PITPNA: variants seen among roughly 807,000 people sequenced by gnomAD.
PITPNA encodes phosphatidylinositol transfer protein alpha, also known as phosphatidylinositol transfer protein alpha isoform.
In PITPNA, 13 loss-of-function variants were observed where a neutral mutation model predicts 50.3. The ratio of observed to expected loss-of-function variants is 0.26; its 90% confidence interval spans 0.17 to 0.41. The LOEUF (loss-of-function observed/expected upper bound fraction) is 0.41. Among genes scored for constraint, PITPNA ranks in the 10% least tolerant of loss-of-function variants. The probability of loss-of-function intolerance (pLI) is 1.00; values close to 1 mark genes in which losing one functional copy is unlikely to be tolerated. For synonymous variants in PITPNA, 120 were observed against 119.6 expected (o/e 1.00, Z -0.02); for missense variants, 207 against 333.4 (o/e 0.62, Z 2.95).
intron 4 of PITPNA, 104 bp downstream of exon 4, chr17:1,548,192 G>T: frequency 1.4e-6 from 1 of 698,168 alleles, no homozygotes; most frequent in Non-Finnish European, 2.4e-6. Context: ...AGCCGGAAGG[G>T]ACCCAGCCCG....
chr17:1,562,462 G>C lies in PITPNA; in HGVS notation c.20+79C>G. On this transcript the variant is annotated intron_variant, in intron 1 of 11. Transcript: ENST00000313486. This position sits in a 1 kb window ranked among gnomAD's most constrained non-coding sequence, Gnocchi z 6.4. ...GCCCCTCCGTCCATCCGGGCCCTGC[G>C]TCCCTCGCCGCGCCGTCGCCCCGGC... is the stretch of plus-strand genomic sequence containing the variant. 1 of 1,213,804 alleles carries C rather than the reference G, an allele frequency of 8.2e-7. No homozygotes were observed. Among genetic ancestry groups the C allele is most frequent in the Non-Finnish European group, 1.1e-6 (1 of 908,494 alleles). 75.2% of individuals were successfully genotyped at this position (1,213,804 alleles called of 1,614,324 possible).
intron 6 of PITPNA, among the ~76,000 whole-genome samples, chr17:1,540,719 GC>G (rs2075644046): frequency 6.6e-6 from 1 of 151,972 alleles, no homozygotes; most frequent in African/African-American, 2.4e-5. Context: ...CTCCTGAGTA[GC>G]TGGGACTACA....
chr17:1,521,331 C>T (rs2075510759), intron 11 of PITPNA, among the ~76,000 whole-genome samples: 1 of 149,206 alleles, frequency 6.7e-6, no homozygotes, highest in African/African-American at 2.5e-5. Flanking sequence ...CAGATGAACT[C>T]CCCTTCTATA....
intron 2 of PITPNA, among the ~76,000 whole-genome samples, chr17:1,553,816 G>A (rs1461371104): frequency 6.6e-6 from 1 of 152,104 alleles, no homozygotes; most frequent in Non-Finnish European, 1.5e-5. Flanking sequence ...TCTAGTCTTA[G>A]GCCTCTCCTC....
intron 4 of PITPNA, among the ~76,000 whole-genome samples, chr17:1,544,488 C>T (rs2075663262): frequency 1.3e-5 from 2 of 152,176 alleles, no homozygotes; most frequent in Admixed American, 1.3e-4. Flanking sequence ...AACAATCCTC[C>T]CCAAACCTTC....
intron 10 of PITPNA, among the ~76,000 whole-genome samples, chr17:1,531,433 G>A (rs1260564484): frequency 6.6e-6 from 1 of 152,178 alleles, no homozygotes; most frequent in Non-Finnish European, 1.5e-5. Flanking sequence ...GGGAGGCTGA[G>A]GCAGGAGAAT....
chr17:1,543,974 C>T (rs1407351550), intron 4 of PITPNA, among the ~76,000 whole-genome samples: 4 of 152,180 alleles, frequency 2.6e-5, no homozygotes, highest in East Asian at 1.9e-4. Flanking sequence ...TCTCCTGTGC[C>T]GTGGTGGGCC....
In PITPNA at chr17:1,520,106, A is replaced by G. The variant is rs2151000188; in HGVS notation, c.*455T>C. ...GCTCATCCCCGCTCCCCACAGGAGC[A>G]CTCAAAATTGCGAAGATCTTCCCAG... On this transcript the variant is annotated 3_prime_UTR_variant, in exon 12 of 12. Coordinates refer to ENST00000313486, the MANE Select transcript of PITPNA (RefSeq NM_006224.4). 6.6e-6 allele frequency: 1 copy of G among 152,308 alleles called. No homozygotes were observed. The highest frequency in any genetic ancestry group is 3.4e-3 in the Middle Eastern group (1 of 292). 9.4% of individuals were successfully genotyped at this position (152,308 alleles called of 1,614,324 possible).
intron 10 of PITPNA, among the ~76,000 whole-genome samples, chr17:1,529,888 T>G (rs564558282): frequency 2.0e-5 from 3 of 152,296 alleles, no homozygotes; most frequent in Admixed American, 1.3e-4. Context: ...CAAGTTTTCT[T>G]AACATTTTTT....
At chr17:1,520,597 C>G (rs1567573131) in intron 11 of PITPNA, 59 bp from the exon 12 acceptor site, 1 of 148,300 alleles carries the variant, frequency 6.7e-6, no homozygotes, top group Non-Finnish European at 1.5e-5. Flanking sequence ...CACTGTAAAT[C>G]GTCCTGAATG....
chr17:1,542,414 C>G (rs1002753935), intron 5 of PITPNA, among the ~76,000 whole-genome samples: 1 of 152,192 alleles, frequency 6.6e-6, no homozygotes, highest in Admixed American at 6.5e-5. Context: ...AGTAACTGAA[C>G]CCTTCAAGCT....
At chr17:1,561,493 G>A (rs1334336101) in intron 1 of PITPNA, among the ~76,000 whole-genome samples, 1 of 151,812 alleles carries the variant, frequency 6.6e-6, no homozygotes, top group African/African-American at 2.4e-5. Context: ...CCCTGCCCTG[G>A]TCTCCCCCAT....
chr17:1,542,953 A>G (rs2075655052), intron 5 of PITPNA, 67 bp downstream of exon 5: 3 of 1,206,062 alleles, frequency 2.5e-6, no homozygotes, highest in Non-Finnish European at 3.6e-6. Context: ...CCACCAGTGC[A>G]GTTACATTTT....
intron 10 of PITPNA, among the ~76,000 whole-genome samples, chr17:1,524,013 A>T (rs1319602724): frequency 1.3e-5 from 2 of 150,468 alleles, no homozygotes; most frequent in African/African-American, 4.9e-5. Context: ...AGTTACTGCA[A>T]TGCTCTCTAA....
At position 1,553,057 on chromosome 17, in the gene PITPNA, G is replaced by A. The variant is rs370611114; in HGVS notation, c.144C>T (p.Tyr48=). 48 of 1,613,762 alleles carry A rather than the reference G, an allele frequency of 3.0e-5. 1 individual carries two copies. The Middle Eastern group carries it at 4.9e-4, about 17-fold the overall frequency. The change falls in exon 3 of 12, where the codon TAC becomes TAT. Residue 48 remains tyrosine (Y), a synonymous_variant. Coordinates refer to ENST00000313486, the MANE Select transcript of PITPNA (RefSeq NM_006224.4). Reference sequence around the variant, plus strand: ...ACTGGCCTTTCTCACCGTCCTTCTCGTAGGGCTCATTCACCAGGACCTCCA... The same window carrying A: ...ACTGGCCTTTCTCACCGTCCTTCTCATAGGGCTCATTCACCAGGACCTCCA... ...EGVEVLVNEP[Y]EKDGEKGQYT...
At chr17:1,536,431 G>A (rs965238475) in intron 7 of PITPNA, among the ~76,000 whole-genome samples, 12 of 151,570 alleles carry the variant, frequency 7.9e-5, no homozygotes, top group African/African-American at 2.7e-4. Context: ...GGGACGACAG[G>A]TGCCCGCCAC....
intron 4 of PITPNA, among the ~76,000 whole-genome samples, chr17:1,547,812 G>A (rs1286082983): frequency 6.6e-6 from 1 of 152,100 alleles, no homozygotes; most frequent in East Asian, 1.9e-4. Context: ...TGGGCAACAT[G>A]GTGAAACTCT....
chr17:1,522,111 C>CCGGACTG lies in PITPNA; in HGVS notation c.769-473_769-467dup, dbSNP rs560578606. On this transcript the variant is annotated intron_variant, in intron 10 of 11. Coordinates refer to ENST00000313486, the MANE Select transcript of PITPNA (RefSeq NM_006224.4). ...ACGGAGTCTCGCTCTGCCGCCCAGG[C>CCGGACTG]CGGACTGCGGACTGCAGTGGCGCAA... Among the ~76,000 whole-genome samples, 43 of 148,820 alleles carry CCGGACTG rather than the reference C, an allele frequency of 2.9e-4. 1 individual carries two copies. Among genetic ancestry groups the CCGGACTG allele is most frequent in the Admixed American group, 2.4e-3 (36 of 15,008 alleles).
At chr17:1,540,731 G>A (rs2075644093) in intron 6 of PITPNA, among the ~76,000 whole-genome samples, 1 of 152,100 alleles carries the variant, frequency 6.6e-6, no homozygotes, top group Non-Finnish European at 1.5e-5. Context: ...TGGGACTACA[G>A]GTGCCCGCCA....
Sources: allele counts gnomAD v4.1 joint callset (sites outside exome capture counted in the v4.1 genomes callset), GRCh38; gene constraint gnomAD v4.1.1; non-coding constraint Gnocchi (gnomAD v3.1); transcripts MANE v1.5; gene names NCBI Gene and HGNC (gene_info 2026-07-23, HGNC 2026-07-21).